Variants in SUCLG2 observed in about 807,000 individuals in gnomAD.
SUCLG2 encodes the protein succinate--CoA ligase [GDP-forming] subunit beta, mitochondrial.
In SUCLG2, 42 loss-of-function variants were observed where a neutral mutation model predicts 47.9. The ratio of observed to expected loss-of-function variants is 0.88; its 90% CI spans 0.69 to 1.14. SUCLG2 has a LOEUF of 1.14. SUCLG2 is among the 50% of genes most tolerant of loss of function. The probability of loss-of-function intolerance (pLI) is 0.00; values close to 1 mark genes in which losing one functional copy is unlikely to be tolerated. For synonymous variants in SUCLG2, 195 were observed against 197.3 expected, an observed-to-expected ratio of 0.99 and a Z score of 0.10; for missense variants, 571 against 525.9, an observed-to-expected ratio of 1.09 and a Z score of -0.84.
chr3:67,405,965 T>C (rs1257480130), intron 9 of SUCLG2, among the ~76,000 whole-genome samples: 4 of 152,140 alleles, frequency 2.6e-5, no homozygotes, highest in African/African-American at 9.7e-5. Context: ...GGGTTACAGC[T>C]TTATCTACTG....
Position 67,471,629 on chromosome 3 carries a change from G to C in SUCLG2, c.1062+24169C>G, listed in dbSNP as rs145500126. ...CCTTCTCTGGGGGAGAATACAAAAA[G>C]GTGTGGGAGAGAAATGATGATGATG... On this transcript the variant is annotated intron_variant, in intron 9 of 10. Transcript: ENST00000307227. Among the ~76,000 whole-genome samples the C allele has an allele frequency of 2.3e-3, 351 of 152,236 alleles. 1 individual carries two copies. Among genetic ancestry groups the C allele is most frequent in the African/African-American group, 8.1e-3 (335 of 41,560 alleles).
exon 11 of SUCLG2, chr3:67,360,652 C>T: frequency 6.6e-7 from 1 of 1,510,294 alleles, no homozygotes; most frequent in South Asian, 1.3e-5. Flanking sequence ...ATGCTGATGG[C>T]ACACTTACTC....
chr3:67,631,631 A>C (rs1700927760), intron 1 of SUCLG2, among the ~76,000 whole-genome samples: 1 of 152,120 alleles, frequency 6.6e-6, no homozygotes, highest in Non-Finnish European at 1.5e-5. Context: ...CGTTTCAAAA[A>C]AAATAAAAAA....
chr3:67,400,790 C>T lies in SUCLG2; in HGVS notation c.1124G>A (p.Gly375Glu), dbSNP rs1052445625. 3.7e-6 allele frequency: 6 copies of T among 1,612,132 alleles called. No individual in the cohort carries two copies. The highest frequency in any genetic ancestry group is 1.9e-4 in the Middle Eastern group (1 of 5,168). Residue 375 changes from glycine (G) to glutamate (E), a missense_variant, in exon 10 of 11, where the codon GGG becomes GAG. Transcript: ENST00000307227. ...TAGCTCCCGGCAGGCTTTGGTGATC[C>T]CATTGGCAATGATGGCACAGTTGAC... ...GIVNCAIIAN[G>E]ITKACRELEL...
rs1192772841 is a variant in SUCLG2 at position 67,398,894 on chromosome 3, C to T, written c.1183+1837G>A. ...TAGGGACATGGATGAAACTGGAAATCGTCATTCTCAGTAAACTATCGCAAG... is the reference window on the plus strand; with the variant it reads ...TAGGGACATGGATGAAACTGGAAATTGTCATTCTCAGTAAACTATCGCAAG... On this transcript the variant is annotated intron_variant, in intron 10 of 10. Coordinates refer to ENST00000307227, the MANE Select transcript of SUCLG2 (RefSeq NM_003848.4). Among the ~76,000 whole-genome samples, 4 of 151,970 alleles carry T rather than the reference C, an allele frequency of 2.6e-5. No individual in the cohort carries two copies. In the East Asian group the frequency reaches 5.8e-4, roughly 22 times the overall value.
intron 9 of SUCLG2, among the ~76,000 whole-genome samples, chr3:67,440,249 T>C (rs1336999897): frequency 6.6e-6 from 1 of 152,210 alleles, no homozygotes; most frequent in Non-Finnish European, 1.5e-5. Flanking sequence ...ATTAAAGTCT[T>C]AAATGTAAGA....
At chr3:67,644,403 C>A (rs546173800) in intron 1 of SUCLG2, among the ~76,000 whole-genome samples, 39 of 152,106 alleles carry the variant, frequency 2.6e-4, no homozygotes, top group African/African-American at 8.9e-4. Flanking sequence ...TAGTATGAAT[C>A]TTTTTAGATA....
Position 67,509,040 on chromosome 3 carries a change from C to T in SUCLG2, c.661-137G>A, listed in dbSNP as rs1705716254. The T allele has an allele frequency of 4.8e-6, 3 of 625,016 alleles. No individual in the cohort carries two copies. The African/African-American group carries it at 5.7e-5, about 12-fold the overall frequency. The allele number at this position is 625,016 out of a possible 1,614,324, so 38.7% of individuals were successfully genotyped here. ...TTTTCTGAAGGGAAAAACAGAAAAG[C>T]ATAATTATTTTAATTTCCACTGCTA... is the stretch of plus-strand genomic sequence containing the variant. On this transcript the variant is annotated intron_variant, in intron 6 of 10. Transcript: ENST00000307227.
At chr3:67,389,613 T>C (rs1253793041) in intron 10 of SUCLG2, among the ~76,000 whole-genome samples, 1 of 152,206 alleles carries the variant, frequency 6.6e-6, no homozygotes, top group Non-Finnish European at 1.5e-5. Flanking sequence ...CTTTCCTCTA[T>C]GTCAAAACAT....
At chr3:67,455,232 C>T (rs968125049) in intron 9 of SUCLG2, among the ~76,000 whole-genome samples, 1 of 152,202 alleles carries the variant, frequency 6.6e-6, no homozygotes, top group African/African-American at 2.4e-5. Flanking sequence ...AAATCCATAA[C>T]TTGAAACTGA....
intron 2 of SUCLG2, among the ~76,000 whole-genome samples, chr3:67,549,675 T>A (rs1351780299): frequency 6.6e-6 from 1 of 152,144 alleles, no homozygotes; most frequent in Non-Finnish European, 1.5e-5. Context: ...TTCTTTGACC[T>A]GGTAAGAGGA....
chr3:67,588,598 T>C (rs978731635), intron 2 of SUCLG2, among the ~76,000 whole-genome samples: 1 of 152,208 alleles, frequency 6.6e-6, no homozygotes, highest in Non-Finnish European at 1.5e-5. Context: ...ATTTGGCACC[T>C]AAGAATAGTT....
chr3:67,384,553 C>T (rs1290132752), intron 10 of SUCLG2, among the ~76,000 whole-genome samples: 1 of 152,196 alleles, frequency 6.6e-6, no homozygotes, highest in Non-Finnish European at 1.5e-5. Context: ...TAGACCTTTG[C>T]TCTATACAAT....
intron 9 of SUCLG2, among the ~76,000 whole-genome samples, chr3:67,450,025 A>C (rs1704018924): frequency 1.2e-5 from 1 of 83,002 alleles, no homozygotes; most frequent in African/African-American, 4.2e-5. Flanking sequence ...AATACAAAAA[A>C]ACAGTATTTT....
chr3:67,366,621 G>C (rs9860059), intron 10 of SUCLG2, among the ~76,000 whole-genome samples: 77,625 of 152,006 alleles, frequency 0.51, 19,976 homozygotes, highest in Middle Eastern at 0.61. Context: ...TCCTGAAGAG[G>C]TTTGGCTTCC....
chr3:67,623,904 C>A (rs916775495), intron 1 of SUCLG2, among the ~76,000 whole-genome samples: 1 of 152,162 alleles, frequency 6.6e-6, no homozygotes, highest in Non-Finnish European at 1.5e-5. Context: ...ATCACCATTA[C>A]CAGGGGTCAA....
At chr3:67,566,368 T>C (rs1707453840) in intron 2 of SUCLG2, among the ~76,000 whole-genome samples, 2 of 152,108 alleles carry the variant, frequency 1.3e-5, no homozygotes, top group African/African-American at 4.8e-5. Context: ...TATTTTAAAA[T>C]ATGGAAAAAA....
intron 1 of SUCLG2, among the ~76,000 whole-genome samples, chr3:67,627,634 A>G (rs781181399): frequency 6.6e-6 from 1 of 152,248 alleles, no homozygotes; most frequent in Non-Finnish European, 1.5e-5. Context: ...GGGTCTGCCC[A>G]TATGGGGCAC....
intron 9 of SUCLG2, among the ~76,000 whole-genome samples, chr3:67,477,820 A>T (rs1704806843): frequency 6.6e-6 from 1 of 152,226 alleles, no homozygotes; most frequent in Admixed American, 6.5e-5. Flanking sequence ...GAGCAGCAGA[A>T]ATATGGTACA....
Sources: gnomAD v4.1 joint callset for allele counts (sites outside exome capture counted in the v4.1 genomes callset) on GRCh38, gnomAD v4.1.1 for gene constraint, MANE v1.5 for transcripts, NCBI Gene and HGNC (gene_info 2026-07-23, HGNC 2026-07-21) for gene names.